Variants in DESI2 observed in about 807,000 individuals in gnomAD.
DESI2 encodes deubiquitinase DESI2.
Under a neutral mutation model 24.1 loss-of-function variants are expected in DESI2, and 10 were observed. The ratio of observed to expected loss-of-function variants is 0.41; its 90% CI spans 0.26 to 0.70. The LOEUF (loss-of-function observed/expected upper bound fraction) is 0.70. Among genes scored for constraint, DESI2 ranks in the 30% least tolerant of loss-of-function variants. The pLI, the probability that DESI2 is intolerant of heterozygous loss-of-function variation, is 0.29. For synonymous variants in DESI2, 71 were observed against 87.7 expected (o/e 0.81, Z 1.06); for missense variants, 122 against 234.9 (o/e 0.52, Z 3.14).
chr1:244,655,474 A>AATTCAG (rs1387109110), intron 1 of DESI2, among the ~76,000 whole-genome samples: 1 of 152,210 alleles, frequency 6.6e-6, no homozygotes, highest in East Asian at 1.9e-4. Flanking sequence ...TTATGTCACT[A>AATTCAG]ATTCAGCAAC....
chr1:244,683,503 G>A (rs1296707143), intron 1 of DESI2, among the ~76,000 whole-genome samples: 1 of 151,942 alleles, frequency 6.6e-6, no homozygotes, highest in Non-Finnish European at 1.5e-5. Context: ...AGTAGAGACA[G>A]GGTTTCACCA....
At chr1:244,658,103 C>T (rs2148778963) in intron 1 of DESI2, among the ~76,000 whole-genome samples, 1 of 152,202 alleles carries the variant, frequency 6.6e-6, no homozygotes, top group Middle Eastern at 3.4e-3. Flanking sequence ...CAAGTTCAGG[C>T]CCTCATCTCT....
chr1:244,653,403 C>A, intron 1 of DESI2, 48 bp downstream of exon 1: 5 of 1,531,072 alleles, frequency 3.3e-6, no homozygotes, highest in Non-Finnish European at 4.4e-6. Context: ...GGCCGGCTTC[C>A]TCTCGCCCGT....
chr1:244,661,613 A>G (rs1022120635), intron 1 of DESI2, among the ~76,000 whole-genome samples: 4 of 151,750 alleles, frequency 2.6e-5, no homozygotes, highest in Middle Eastern at 3.4e-3. Context: ...CCTGTGTCCA[A>G]GTGTTCTCCT....
Position 244,699,578 on chromosome 1 carries a change from C to CAA in DESI2, c.352-5941_352-5940dup, listed in dbSNP as rs559295405. ...GCCTAGCAACAGAGTGAGACTGTCT[C>CAA]AAAAAAAAAAAAAAAAAAAAAAAAA... On this transcript the variant is annotated intron_variant, in intron 4 of 4. Coordinates refer to ENST00000302550, the MANE Select transcript of DESI2 (RefSeq NM_016076.5). Among the ~76,000 whole-genome samples, 100 of 66,218 alleles carry CAA rather than the reference C, an allele frequency of 1.5e-3. 6 individuals are homozygous for CAA. Among genetic ancestry groups the CAA allele is most frequent in the Non-Finnish European group, 1.9e-3 (66 of 34,484 alleles). 43.4% of individuals were successfully genotyped at this position (66,218 alleles called of 152,430 possible).
chr1:244,671,237 C>T (rs1676234583), intron 1 of DESI2, among the ~76,000 whole-genome samples: 1 of 152,074 alleles, frequency 6.6e-6, no homozygotes, highest in African/African-American at 2.4e-5. Flanking sequence ...TCTGATTGTT[C>T]GTGTAATCTC....
chr1:244,680,357 T>G (rs909791662), intron 1 of DESI2, among the ~76,000 whole-genome samples: 3 of 151,916 alleles, frequency 2.0e-5, no homozygotes, highest in Non-Finnish European at 4.4e-5. Flanking sequence ...GAGAATGGCT[T>G]GAGCCCTGCC....
chr1:244,671,432 C>T (rs1036296299), intron 1 of DESI2, among the ~76,000 whole-genome samples: 2 of 152,292 alleles, frequency 1.3e-5, no homozygotes, highest in Non-Finnish European at 2.9e-5. Context: ...ATCCCACCTT[C>T]GGCAGCTGCC....
chr1:244,663,822 T>C (rs1206385425), intron 1 of DESI2, among the ~76,000 whole-genome samples: 1 of 151,792 alleles, frequency 6.6e-6, no homozygotes, highest in East Asian at 2.0e-4. Context: ...ATCGAGACCA[T>C]CCTGGCTAAC....
chr1:244,704,266 A>C (rs1050240491), intron 4 of DESI2, among the ~76,000 whole-genome samples: 6 of 152,216 alleles, frequency 3.9e-5, no homozygotes, highest in South Asian at 4.1e-4. Flanking sequence ...CAAATATCTA[A>C]GATGGTACTT....
intron 1 of DESI2, among the ~76,000 whole-genome samples, chr1:244,679,608 C>T (rs558566685): frequency 8.3e-4 from 127 of 152,290 alleles, no homozygotes; most frequent in African/African-American, 3.0e-3. Context: ...TGTTGGCTCA[C>T]GCCTGTAATC....
At chr1:244,677,958 T>C (rs1676472716) in intron 1 of DESI2, among the ~76,000 whole-genome samples, 1 of 151,790 alleles carries the variant, frequency 6.6e-6, no homozygotes, top group African/African-American at 2.4e-5. Context: ...ATGTTAGGAG[T>C]GAGGGGTGGA....
chr1:244,688,464 A>G (rs1676898089), intron 2 of DESI2, among the ~76,000 whole-genome samples: 1 of 152,222 alleles, frequency 6.6e-6, no homozygotes, highest in Non-Finnish European at 1.5e-5. Context: ...CTTTTAAGGT[A>G]TATTTTTAAA....
At position 244,677,583 on chromosome 1, in the gene DESI2, A is replaced by T. The variant is rs527680663; in HGVS notation, c.43-9014A>T. Among the ~76,000 whole-genome samples, 4 of 152,316 alleles carry T rather than the reference A, an allele frequency of 2.6e-5. No individual in the cohort carries two copies. The East Asian group carries it at 7.7e-4, about 29-fold the overall frequency. ...GTCAACATTAATTTTTGCCTTGCAC[A>T]GAATATTGAAACAGAGCCTTCAAAA... On this transcript the variant is annotated intron_variant, in intron 1 of 4. Coordinates refer to ENST00000302550, the MANE Select transcript of DESI2 (RefSeq NM_016076.5).
chr1:244,692,054 T>C (rs759388908), intron 4 of DESI2, 34 bp downstream of exon 4: 2 of 1,545,686 alleles, frequency 1.3e-6, no homozygotes, highest in Admixed American at 4.2e-5. Flanking sequence ...GTTCTTCAAA[T>C]AAATATTTGC....
chr1:244,655,039 G>A (rs1217542631), intron 1 of DESI2, among the ~76,000 whole-genome samples: 1 of 152,158 alleles, frequency 6.6e-6, no homozygotes, highest in Non-Finnish European at 1.5e-5. Context: ...GGCATATAGT[G>A]GGCTTCTTTA....
chr1:244,662,257 G>GT (rs1192721032), intron 1 of DESI2, among the ~76,000 whole-genome samples: 3 of 152,092 alleles, frequency 2.0e-5, no homozygotes, highest in Non-Finnish European at 2.9e-5. Flanking sequence ...GGGGTTGTTT[G>GT]TTTTTTTCTA....
Position 244,689,156 on chromosome 1 carries a change from T to G in DESI2, c.116-93T>G. 2.9e-6 allele frequency: 2 copies of G among 689,762 alleles called. No individual in the cohort carries two copies. Among genetic ancestry groups the G allele is most frequent in the Non-Finnish European group, 5.2e-6 (2 of 384,102 alleles). The allele number at this position is 689,762 out of a possible 1,614,324, so 42.7% of individuals were successfully genotyped here. A position where few individuals can be genotyped will look rare whatever the true frequency, so the allele number is the denominator to read the frequency against. The stretch of plus-strand genomic sequence containing the variant: ...TATAAACTGAAAAATATTTAGATGG[T>G]GTCACTGTTATCCTCAATTATTAAA... On this transcript the variant is annotated intron_variant, in intron 2 of 4. Transcript: ENST00000302550. This position sits in a 1 kb window ranked among gnomAD's most constrained non-coding sequence, Gnocchi z 4.0.
intron 1 of DESI2, among the ~76,000 whole-genome samples, chr1:244,664,235 G>A (rs1032413076): frequency 2.0e-5 from 3 of 152,112 alleles, no homozygotes; most frequent in African/African-American, 7.2e-5. Flanking sequence ...CAAACCTTGG[G>A]TGAGAGAGAA....
Sources: allele counts gnomAD v4.1 joint callset (sites outside exome capture counted in the v4.1 genomes callset), GRCh38; gene constraint gnomAD v4.1.1; non-coding constraint Gnocchi (gnomAD v3.1); transcripts MANE v1.5; gene names NCBI Gene and HGNC (gene_info 2026-07-23, HGNC 2026-07-21).